IL1RAPL2: variants seen among roughly 807,000 people sequenced by gnomAD.
The protein encoded by IL1RAPL2 is X-linked interleukin-1 receptor accessory protein-like 2.
A neutral mutation model predicts 44.1 loss-of-function variants in IL1RAPL2; 3 were observed. The ratio of observed to expected loss-of-function variants is 0.07; its 90% CI spans 0.03 to 0.18. The LOEUF (loss-of-function observed/expected upper bound fraction) is 0.18. IL1RAPL2 is among the 10% of genes least tolerant of loss of function. IL1RAPL2 has a pLI of 1.00. For missense variants in IL1RAPL2, 391 were observed against 496.4 expected, an observed-to-expected ratio of 0.79 and a Z score of 2.02; for synonymous variants, 181 against 178.8, an observed-to-expected ratio of 1.01 and a Z score of -0.10.
At chrX:105,236,042 T>A (rs941847360) in intron 4 of IL1RAPL2, among the ~76,000 whole-genome samples, 11 of 112,501 alleles carry the variant, frequency 9.8e-5, no homozygotes, top group Non-Finnish European at 2.1e-4. Flanking sequence ...GCTGGTGCAG[T>A]GGAGCCTGGC....
chrX:105,491,886 A>AG (rs1419399168), intron 6 of IL1RAPL2, among the ~76,000 whole-genome samples: 1 of 111,904 alleles, frequency 8.9e-6, no homozygotes, highest in African/African-American at 3.2e-5. Flanking sequence ...ATGGGAAAAA[A>AG]GTTAACAGTT....
At chrX:104,604,675 T>A (rs910889145) in intron 1 of IL1RAPL2, among the ~76,000 whole-genome samples, 1 of 100,743 alleles carries the variant, frequency 9.9e-6, no homozygotes, top group Admixed American at 1.1e-4. Flanking sequence ...GCAATCCTAG[T>A]CTCTGATAAA....
chrX:105,543,030 A>C (rs1468107301), intron 6 of IL1RAPL2, among the ~76,000 whole-genome samples: 1 of 111,625 alleles, frequency 9.0e-6, no homozygotes, highest in Non-Finnish European at 1.9e-5. Flanking sequence ...TAATGAAATA[A>C]GTATATTAGT....
chrX:105,429,940 A>G (rs2035836755), intron 5 of IL1RAPL2, among the ~76,000 whole-genome samples: 1 of 111,434 alleles, frequency 9.0e-6, no homozygotes, highest in South Asian at 3.8e-4. Context: ...AGAGAGGAGC[A>G]TCTGTTGGTC....
At chrX:104,735,733 T>C (rs1262817705) in intron 2 of IL1RAPL2, among the ~76,000 whole-genome samples, 1 of 111,209 alleles carries the variant, frequency 9.0e-6, no homozygotes, top group African/African-American at 3.3e-5. Flanking sequence ...GATAGAAGTT[T>C]GCATAACTGG....
At chrX:105,406,652 A>G (rs980609462) in intron 5 of IL1RAPL2, 70 of 1,149,998 alleles carry the variant, frequency 6.1e-5, no homozygotes, top group Non-Finnish European at 7.8e-5. Flanking sequence ...TTTGCTGTGC[A>G]AATCTTGAAT....
At chrX:105,069,483 G>A (rs184198095) in intron 2 of IL1RAPL2, among the ~76,000 whole-genome samples, 4 of 112,047 alleles carry the variant, frequency 3.6e-5, no homozygotes, top group Admixed American at 2.8e-4. Flanking sequence ...TTGATTCTAC[G>A]AAAACAATGT....
intron 5 of IL1RAPL2, among the ~76,000 whole-genome samples, chrX:105,401,989 T>C (rs1334589149): frequency 1.5e-4 from 17 of 110,572 alleles, no homozygotes; most frequent in African/African-American, 4.9e-4. Flanking sequence ...ATTGTCACTT[T>C]CCTAATCTGC....
chrX:104,636,269 C>T (rs972295235), intron 1 of IL1RAPL2, among the ~76,000 whole-genome samples: 1 of 112,146 alleles, frequency 8.9e-6, no homozygotes, highest in African/African-American at 3.2e-5. Context: ...GGGTGCCTCC[C>T]AGTTAGGCTA....
intron 2 of IL1RAPL2, among the ~76,000 whole-genome samples, chrX:105,140,110 A>G (rs1295362016): frequency 1.8e-5 from 2 of 112,548 alleles, no homozygotes; most frequent in Non-Finnish European, 3.8e-5. Flanking sequence ...ATTAAAGAAT[A>G]GGTTGTGGCT....
At chrX:105,025,371 C>G (rs2031351895) in intron 2 of IL1RAPL2, among the ~76,000 whole-genome samples, 3 of 111,121 alleles carry the variant, frequency 2.7e-5, no homozygotes, top group African/African-American at 9.8e-5. Flanking sequence ...TACTTCTGCC[C>G]TCTAAATAAT....
intron 5 of IL1RAPL2, among the ~76,000 whole-genome samples, chrX:105,291,949 T>A (rs554184026): frequency 4.5e-5 from 5 of 111,296 alleles, no homozygotes; most frequent in Middle Eastern, 4.7e-3. Context: ...GAGCACCAAC[T>A]TTTCTAATAA....
At chrX:105,045,296 G>C (rs992702951) in intron 2 of IL1RAPL2, among the ~76,000 whole-genome samples, 12 of 111,840 alleles carry the variant, frequency 1.1e-4, no homozygotes, top group South Asian at 7.5e-4. Context: ...GTGCTGGGTA[G>C]AAGGGGCCTT....
intron 2 of IL1RAPL2, among the ~76,000 whole-genome samples, chrX:104,869,139 T>G (rs1018094954): frequency 9.0e-6 from 1 of 111,666 alleles, no homozygotes; most frequent in Admixed American, 9.5e-5. Flanking sequence ...AAAAGTATCT[T>G]GTGTATCCTT....
intron 1 of IL1RAPL2, among the ~76,000 whole-genome samples, chrX:104,612,136 T>C (rs996231063): frequency 1.8e-5 from 2 of 111,844 alleles, no homozygotes; most frequent in African/African-American, 6.5e-5. Flanking sequence ...AATAGGTAGG[T>C]CGTCTGTTTA....
chrX:104,988,842 A>G (rs979570990), intron 2 of IL1RAPL2, among the ~76,000 whole-genome samples: 5 of 112,030 alleles, frequency 4.5e-5, no homozygotes, highest in Non-Finnish European at 9.4e-5. Flanking sequence ...ATCTACAAAC[A>G]TACAACTATG....
intron 5 of IL1RAPL2, among the ~76,000 whole-genome samples, chrX:105,447,821 TATATATAAATATATTATACATATAA>T (rs1406849873): frequency 5.2e-4 from 47 of 90,485 alleles, no homozygotes; most frequent in African/African-American, 1.9e-3. Context: ...AATATATAAA[TATATATAAATATATTATACATATAA>T]ATATATAAAT....
chrX:105,411,146 A>G (rs1307444226), intron 5 of IL1RAPL2, among the ~76,000 whole-genome samples: 1 of 111,686 alleles, frequency 9.0e-6, no homozygotes, highest in Admixed American at 9.5e-5. Context: ...AACCACAAAC[A>G]AAGAAATCAC....
At chrX:105,374,096 G>A (rs1308875207) in intron 5 of IL1RAPL2, among the ~76,000 whole-genome samples, 1 of 96,275 alleles carries the variant, frequency 1.0e-5, no homozygotes, top group Non-Finnish European at 2.0e-5. Flanking sequence ...TTTAGACTGG[G>A]CAACAAGAGC....
Sources: gnomAD v4.1 joint callset for allele counts (sites outside exome capture counted in the v4.1 genomes callset) on GRCh38, gnomAD v4.1.1 for gene constraint, MANE v1.5 for transcripts, NCBI Gene and HGNC (gene_info 2026-07-23, HGNC 2026-07-21) for gene names.